TEX261: variants seen among roughly 807,000 people sequenced by gnomAD.
TEX261 encodes the protein protein TEX261.
In TEX261, 13 loss-of-function variants were observed where a neutral mutation model predicts 25.1. The observed-to-expected ratio is 0.52, with a 90% CI of 0.34 to 0.82. TEX261 has a LOEUF of 0.82. TEX261 is among the 40% of genes least tolerant of loss of function. The pLI is 0.02. For synonymous variants in TEX261, 92 were observed against 97.8 expected (o/e 0.94, Z 0.35); for missense variants, 206 against 243.2 (o/e 0.85, Z 1.02).
chr2:70,988,463 G>A lies in TEX261; in HGVS notation c.*137C>T, dbSNP rs1436613753. ...AGCTGAGCCCCCCAAGGAGGGTGGGGATGGGGCTCCAGAGTTGAGGGGAAG... is the reference window on the plus strand; with the variant it reads ...AGCTGAGCCCCCCAAGGAGGGTGGGAATGGGGCTCCAGAGTTGAGGGGAAG... On this transcript the variant is annotated 3_prime_UTR_variant, in exon 6 of 6. Transcript: ENST00000272438. 3 of 669,350 alleles carry A rather than the reference G, an allele frequency of 4.5e-6. No individual in the cohort carries two copies. Among genetic ancestry groups the A allele is most frequent in the Non-Finnish European group, 8.0e-6 (3 of 375,486 alleles). 41.5% of individuals were successfully genotyped at this position (669,350 alleles called of 1,614,324 possible).
intron 2 of TEX261, 23 bp from the exon 3 acceptor site, chr2:70,992,006 G>A (rs1553425686): frequency 1.3e-6 from 2 of 1,551,108 alleles, no homozygotes; most frequent in Non-Finnish European, 1.7e-6. Context: ...GAGGCAGACA[G>A]TGCAGGGCGC....
At chr2:70,994,134 C>G (rs1403962800) in intron 1 of TEX261, among the ~76,000 whole-genome samples, 1 of 152,186 alleles carries the variant, frequency 6.6e-6, no homozygotes, top group Non-Finnish European at 1.5e-5. Context: ...CCTTCCCTGA[C>G]CCAGCTTGGG....
chr2:70,988,585 C>T lies in TEX261; in HGVS notation c.*15G>A, dbSNP rs782672832. 3 of 1,594,556 alleles carry T rather than the reference C, an allele frequency of 1.9e-6. No homozygotes were observed. The highest frequency in any genetic ancestry group is 8.6e-7 in the Non-Finnish European group (1 of 1,162,142). Reference sequence around the variant, plus strand: ...CTCTCCTGATCTTGCCCCCCACATCCTGCCTGCATGGGGGTCAGTATATCT... The same window carrying T: ...CTCTCCTGATCTTGCCCCCCACATCTTGCCTGCATGGGGGTCAGTATATCT... On this transcript the variant is annotated 3_prime_UTR_variant, in exon 6 of 6. Transcript: ENST00000272438.
At position 70,987,355 on chromosome 2, in the gene TEX261, GA is replaced by G. The variant is rs1670210897; in HGVS notation, c.*1244del. On this transcript the variant is annotated 3_prime_UTR_variant, in exon 6 of 6. Transcript: ENST00000272438. The stretch of plus-strand genomic sequence containing the variant: ...ATGATGGAACTCCAGGCATGATATA[GA>G]GGAAATATTTTCAAGCACAGGGGTT... 1 of 152,482 alleles carries G rather than the reference GA, an allele frequency of 6.6e-6. No individual in the cohort carries two copies. Among genetic ancestry groups the G allele is most frequent in the Non-Finnish European group, 1.5e-5 (1 of 68,058 alleles). 9.4% of individuals were successfully genotyped at this position (152,482 alleles called of 1,614,324 possible). A position where few individuals can be genotyped will look rare whatever the true frequency, so the allele number is the denominator to read the frequency against.
At chr2:70,991,790 C>A in intron 3 of TEX261, 40 bp downstream of exon 3, 2 of 1,605,178 alleles carry the variant, frequency 1.2e-6, no homozygotes, top group Non-Finnish European at 8.5e-7. Flanking sequence ...TGGGCACACC[C>A]AACCACATCA....
In TEX261 at chr2:70,987,074, G is replaced by C. The variant is rs1277709111; in HGVS notation, c.*1526C>G. On this transcript the variant is annotated 3_prime_UTR_variant, in exon 6 of 6. Coordinates refer to ENST00000272438, the MANE Select transcript of TEX261 (RefSeq NM_144582.3). ...GGAGAACACTGGCAGTAGAGTGGAGGGGGCGAAGCCACATCATCAAGGTGA... is the reference window on the plus strand; with the variant it reads ...GGAGAACACTGGCAGTAGAGTGGAGCGGGCGAAGCCACATCATCAAGGTGA... 2.0e-5 allele frequency: 3 copies of C among 152,210 alleles called. No homozygotes were observed. The highest frequency in any genetic ancestry group is 4.4e-5 in the Non-Finnish European group (3 of 68,108). 9.4% of individuals were successfully genotyped at this position (152,210 alleles called of 1,614,324 possible). A position where few individuals can be genotyped will look rare whatever the true frequency, so the allele number is the denominator to read the frequency against.
intron 4 of TEX261, chr2:70,989,364 AG>A (rs1670258011): frequency 2.3e-6 from 1 of 431,730 alleles, no homozygotes; most frequent in Non-Finnish European, 4.3e-6. Context: ...CTGGAGCAGC[AG>A]GGTGTGGAGA....
At chr2:70,991,808 C>T (rs946284321) in intron 3 of TEX261, 22 bp downstream of exon 3, 3 of 1,610,476 alleles carry the variant, frequency 1.9e-6, no homozygotes, top group African/African-American at 2.7e-5. Flanking sequence ...TCAGCTGCCT[C>T]CCCAACTCTG....
intron 1 of TEX261, among the ~76,000 whole-genome samples, chr2:70,994,284 G>A (rs1237963452): frequency 6.6e-6 from 1 of 152,256 alleles, no homozygotes; most frequent in Non-Finnish European, 1.5e-5. Flanking sequence ...GGCCGAATGG[G>A]AACCAGCCAG....
At chr2:70,994,488 A>C in intron 1 of TEX261, 200 bp downstream of exon 1, 1 of 691,580 alleles carries the variant, frequency 1.4e-6, no homozygotes, top group Non-Finnish European at 2.3e-6. Flanking sequence ...ACTCTGTGAC[A>C]CCTGGAAGGA....
At position 70,986,163 on chromosome 2, in the gene TEX261, T is replaced by C. The variant is rs1670180060; in HGVS notation, c.*2437A>G. 6.6e-6 allele frequency: 1 copy of C among 152,226 alleles called. No homozygotes were observed. Among genetic ancestry groups the C allele is most frequent in the Admixed American group, 6.5e-5 (1 of 15,270 alleles). 9.4% of individuals were successfully genotyped at this position (152,226 alleles called of 1,614,324 possible). ...CCAAAGCTCCTTGGAGGAAGTCAAG[T>C]CTAAGTTGAGATTTGACAGAGAAAG... On this transcript the variant is annotated 3_prime_UTR_variant, in exon 6 of 6. Coordinates refer to ENST00000272438, the MANE Select transcript of TEX261 (RefSeq NM_144582.3).
chr2:70,988,539 C>A lies in TEX261; in HGVS notation c.*61G>T. On this transcript the variant is annotated 3_prime_UTR_variant, in exon 6 of 6. Transcript: ENST00000272438. ...TTCCCGACTTCTGGTCCCCACCTGG[C>A]ATAGAGGCCCAGGGGCCTGACTCTC... 3.0e-6 allele frequency: 4 copies of A among 1,349,730 alleles called. No individual in the cohort carries two copies. In the South Asian group the frequency reaches 4.7e-5, roughly 16 times the overall value. The allele number at this position is 1,349,730 out of a possible 1,614,324, so 83.6% of individuals were successfully genotyped here.
chr2:70,993,334 G>A (rs1446882951), intron 2 of TEX261, among the ~76,000 whole-genome samples: 9 of 152,242 alleles, frequency 5.9e-5, no homozygotes, highest in Non-Finnish European at 1.2e-4. Context: ...ATGCAAAACT[G>A]TCTTATGGCT....
rs1670236407 is a variant in TEX261, at chr2:70,988,551, G to A, written c.*49C>T. ...GGTCCCCACCTGGCATAGAGGCCCA[G>A]GGGCCTGACTCTCCTGATCTTGCCC... is the stretch of plus-strand genomic sequence containing the variant. On this transcript the variant is annotated 3_prime_UTR_variant, in exon 6 of 6. Coordinates refer to ENST00000272438, the MANE Select transcript of TEX261 (RefSeq NM_144582.3). The A allele has an allele frequency of 6.9e-7, 1 of 1,458,806 alleles. No homozygotes were observed. Among genetic ancestry groups the A allele is most frequent in the Non-Finnish European group, 9.6e-7 (1 of 1,039,268 alleles). 90.4% of individuals were successfully genotyped at this position (1,458,806 alleles called of 1,614,324 possible).
Position 70,991,890 on chromosome 2 carries a change from C to CA in TEX261, c.243dup (p.Gly82TrpfsTer15). On this transcript the variant is annotated frameshift_variant, in exon 3 of 6. Transcript: ENST00000272438. LOFTEE classifies it high-confidence loss of function. ...ATGAAGGGGAAGGTCTGGAGGAGGCCAAAGTAGACGAGGTTGGTGAATAGG... is the reference window on the plus strand; with the variant it reads ...ATGAAGGGGAAGGTCTGGAGGAGGCCAAAAGTAGACGAGGTTGGTGAATAGG... The CA allele has an allele frequency of 6.2e-7, 1 of 1,613,808 alleles. No individual in the cohort carries two copies. Among genetic ancestry groups the CA allele is most frequent in the Non-Finnish European group, 8.5e-7 (1 of 1,179,908 alleles).
At chr2:70,989,866 T>C (rs1670268872) in intron 3 of TEX261, 50 bp from the exon 4 acceptor site, 2 of 1,444,000 alleles carry the variant, frequency 1.4e-6, no homozygotes, top group Non-Finnish European at 1.9e-6. Context: ...AACAGAAAGC[T>C]GTACTTTTAA....
chr2:70,994,168 G>A (rs1572943450), intron 1 of TEX261, among the ~76,000 whole-genome samples: 2 of 152,228 alleles, frequency 1.3e-5, no homozygotes, highest in Admixed American at 1.3e-4. Context: ...ACAGTAGGGA[G>A]AGACAGACGA....
rs942576018 is a variant in TEX261 at position 70,992,837 on chromosome 2, T to C, written c.151-854A>G. On this transcript the variant is annotated intron_variant, in intron 2 of 5. Transcript: ENST00000272438. ...TCAATTCTATTTATGTTCCTTTTTT[T>C]AAAAAATGCTGATTGTGACCTACTA... 4.6e-5 allele frequency among the ~76,000 whole-genome samples: 7 copies of C among 152,318 alleles called. No homozygotes were observed. In the South Asian group the frequency reaches 1.0e-3, roughly 23 times the overall value.
Position 70,988,600 on chromosome 2 carries a change from T to A in TEX261, c.591A>T (p.Ter197CysextTer109). Residue 197 changes from the stop codon to cysteine (C), a stop_lost, in exon 6 of 6, where the codon TGA becomes TGT. Coordinates refer to ENST00000272438, the MANE Select transcript of TEX261 (RefSeq NM_144582.3). Reference protein sequence around the residue: ...AILPSRQKIY* With the variant: ...AILPSRQKIYC The stretch of plus-strand genomic sequence containing the variant: ...CCCCCACATCCTGCCTGCATGGGGG[T>A]CAGTATATCTTCTGACGACTGGGTA... 1.2e-6 allele frequency: 2 copies of A among 1,610,144 alleles called. No homozygotes were observed. Among genetic ancestry groups the A allele is most frequent in the Non-Finnish European group, 1.7e-6 (2 of 1,176,796 alleles).
Sources: allele counts gnomAD v4.1 joint callset (sites outside exome capture counted in the v4.1 genomes callset), GRCh38; gene constraint gnomAD v4.1.1; transcripts MANE v1.5; gene names NCBI Gene and HGNC (gene_info 2026-07-23, HGNC 2026-07-21).